Variants in SLC4A10 observed in about 807,000 individuals in gnomAD.
SLC4A10 encodes the protein solute carrier family 4 member 10, also known as sodium-driven chloride bicarbonate exchanger.
Under a neutral mutation model 137.7 loss-of-function variants are expected in SLC4A10, and 42 were observed. The observed-to-expected ratio is 0.30, with a 90% CI of 0.24 to 0.39. SLC4A10 has a LOEUF of 0.39. SLC4A10 is among the 10% of genes least tolerant of loss of function. The probability of loss-of-function intolerance (pLI) is 1.00; values close to 1 mark genes in which losing one functional copy is unlikely to be tolerated. For synonymous variants in SLC4A10, 474 were observed against 464.1 expected (o/e 1.02, Z -0.27); for missense variants, 925 against 1,355.0 (o/e 0.68, Z 4.98).
At chr2:161,700,548 A>G (rs1475276639) in intron 1 of SLC4A10, among the ~76,000 whole-genome samples, 1 of 152,190 alleles carries the variant, frequency 6.6e-6, no homozygotes, top group Non-Finnish European at 1.5e-5. Context: ...GATAACAATA[A>G]TAAAATAATA....
intron 23 of SLC4A10, among the ~76,000 whole-genome samples, chr2:161,973,670 G>A (rs1445173310): frequency 6.6e-6 from 1 of 152,138 alleles, no homozygotes; most frequent in African/African-American, 2.4e-5. Context: ...ACTCTCTAGA[G>A]TAGTGGTTCT....
intron 15 of SLC4A10, among the ~76,000 whole-genome samples, chr2:161,916,255 C>CAGTAATTG (rs1687092046): frequency 6.6e-6 from 1 of 152,216 alleles, no homozygotes; most frequent in Non-Finnish European, 1.5e-5. Flanking sequence ...CTCTTTCCCC[C>CAGTAATTG]TCAGTAAATG....
chr2:161,789,221 G>A (rs2053955168), intron 2 of SLC4A10, among the ~76,000 whole-genome samples: 1 of 152,196 alleles, frequency 6.6e-6, no homozygotes, highest in African/African-American at 2.4e-5. Flanking sequence ...CAACTGCATT[G>A]CCTGGGATTT....
At chr2:161,872,521 G>A (rs1457497180) in intron 7 of SLC4A10, 137 bp downstream of exon 7, 2 of 430,966 alleles carry the variant, frequency 4.6e-6, no homozygotes, top group Non-Finnish European at 8.1e-6. Flanking sequence ...TACAGAAAAT[G>A]TTAGCATTAA....
chr2:161,823,723 G>T (rs940974903), intron 3 of SLC4A10, among the ~76,000 whole-genome samples: 1 of 152,184 alleles, frequency 6.6e-6, no homozygotes, highest in Non-Finnish European at 1.5e-5. Flanking sequence ...TACTGTAAGT[G>T]TATTTTCTTT....
chr2:161,835,204 A>AT (rs1372570271), intron 3 of SLC4A10, among the ~76,000 whole-genome samples: 2 of 151,724 alleles, frequency 1.3e-5, no homozygotes, highest in Non-Finnish European at 2.9e-5. Context: ...TGCCCAGCTA[A>AT]TTTTTTGTAT....
intron 13 of SLC4A10, among the ~76,000 whole-genome samples, chr2:161,904,503 C>G (rs1003239600): frequency 6.6e-6 from 1 of 152,166 alleles, no homozygotes; most frequent in Admixed American, 6.5e-5. Flanking sequence ...TGTTTCTGTC[C>G]AGACACTAAT....
chr2:161,929,397 G>A (rs942886570), intron 15 of SLC4A10, among the ~76,000 whole-genome samples: 4 of 152,186 alleles, frequency 2.6e-5, no homozygotes, highest in Non-Finnish European at 5.9e-5. Context: ...CTATATCTAT[G>A]TGCCTAGGCA....
intron 1 of SLC4A10, among the ~76,000 whole-genome samples, chr2:161,632,709 T>C (rs1404359140): frequency 6.6e-6 from 1 of 151,508 alleles, no homozygotes; most frequent in Admixed American, 6.6e-5. Flanking sequence ...CAGGCCTTAT[T>C]TAAGCCTACA....
chr2:161,905,350 G>A (rs1257399679), intron 14 of SLC4A10, among the ~76,000 whole-genome samples: 5 of 152,126 alleles, frequency 3.3e-5, no homozygotes, highest in Admixed American at 2.0e-4. Context: ...TCACAATAGG[G>A]CTTGTGCTCC....
At chr2:161,751,554 C>T (rs2048982084) in intron 1 of SLC4A10, among the ~76,000 whole-genome samples, 1 of 151,522 alleles carries the variant, frequency 6.6e-6, no homozygotes, top group Non-Finnish European at 1.5e-5. Context: ...TTATATGCTA[C>T]CAATGTCACA....
intron 2 of SLC4A10, among the ~76,000 whole-genome samples, chr2:161,782,367 G>C (rs562417181): frequency 6.6e-6 from 1 of 151,956 alleles, no homozygotes; most frequent in Non-Finnish European, 1.5e-5. Context: ...GGACTTATTG[G>C]TGGGGATCTT....
intron 1 of SLC4A10, among the ~76,000 whole-genome samples, chr2:161,762,332 T>G (rs2050337641): frequency 6.6e-6 from 1 of 152,112 alleles, no homozygotes; most frequent in Non-Finnish European, 1.5e-5. Flanking sequence ...TGTGGTGAAA[T>G]TAAAAGTTAG....
intron 1 of SLC4A10, chr2:161,708,977 T>C: frequency 1.1e-6 from 1 of 939,596 alleles, no homozygotes; most frequent in Non-Finnish European, 1.5e-6. Context: ...TTATGGCAGC[T>C]AAACAATATG....
chr2:161,761,786 G>A, intron 1 of SLC4A10, among the ~76,000 whole-genome samples: 2 of 152,024 alleles, frequency 1.3e-5, no homozygotes, highest in East Asian at 3.9e-4. Context: ...AGGAGCTCCA[G>A]CATTGGAGGA....
intron 15 of SLC4A10, among the ~76,000 whole-genome samples, chr2:161,908,426 G>A (rs1684971561): frequency 7.7e-6 from 1 of 130,530 alleles, no homozygotes; most frequent in South Asian, 2.7e-4. Flanking sequence ...TCACACACTG[G>A]GGACTGTTGT....
chr2:161,831,395 C>T (rs1444995668), intron 3 of SLC4A10, among the ~76,000 whole-genome samples: 2 of 152,036 alleles, frequency 1.3e-5, no homozygotes, highest in African/African-American at 4.8e-5. Context: ...AAGTTTAAAA[C>T]ATACCAGATG....
At chr2:161,879,572 T>G (rs1446512913) in intron 9 of SLC4A10, among the ~76,000 whole-genome samples, 1 of 151,640 alleles carries the variant, frequency 6.6e-6, no homozygotes, top group African/African-American at 2.4e-5. Context: ...TTTTTACATT[T>G]TTGGTAAAAG....
intron 2 of SLC4A10, among the ~76,000 whole-genome samples, chr2:161,777,053 G>C (rs2052433720): frequency 6.7e-6 from 1 of 150,270 alleles, no homozygotes; most frequent in Non-Finnish European, 1.5e-5. Flanking sequence ...TTTTTAATAG[G>C]CAAGTGACTT....
Sources: gnomAD v4.1 joint callset for allele counts (sites outside exome capture counted in the v4.1 genomes callset) on GRCh38, gnomAD v4.1.1 for gene constraint, MANE v1.5 for transcripts, NCBI Gene and HGNC (gene_info 2026-07-23, HGNC 2026-07-21) for gene names.